Variants in FAM193A observed in about 807,000 individuals in gnomAD.
FAM193A encodes family with sequence similarity 193 member A.
A neutral mutation model predicts 126.5 loss-of-function variants in FAM193A; 22 were observed. The ratio of observed to expected loss-of-function variants is 0.17; its 90% CI spans 0.12 to 0.25. FAM193A has a LOEUF of 0.25. Ranked by LOEUF, FAM193A falls within the 10% of genes least tolerant of loss-of-function variation. FAM193A has a pLI of 1.00. For synonymous variants in FAM193A, 761 were observed against 646.8 expected, an observed-to-expected ratio of 1.18 and a Z score of -2.68; for missense variants, 1,675 against 1,672.8, an observed-to-expected ratio of 1.00 and a Z score of -0.02.
At chr4:2,692,790 C>G (rs1017655096) in intron 15 of FAM193A, among the ~76,000 whole-genome samples, 1 of 143,754 alleles carries the variant, frequency 7.0e-6, no homozygotes, top group Non-Finnish European at 1.5e-5. Flanking sequence ...TGAGAGTATC[C>G]TGTCAGTGTT....
intron 12 of FAM193A, among the ~76,000 whole-genome samples, chr4:2,669,379 C>T (rs73207352): frequency 0.33 from 49,377 of 151,756 alleles, 9,506 homozygotes; most frequent in Admixed American, 0.52. Context: ...GAGGCAGAGG[C>T]GGGCAGATCA....
chr4:2,588,989 A>G (rs1162558979), intron 1 of FAM193A, among the ~76,000 whole-genome samples: 1 of 152,204 alleles, frequency 6.6e-6, no homozygotes, highest in Non-Finnish European at 1.5e-5. Flanking sequence ...TGGAGCCTGA[A>G]TGTAGAGACT....
chr4:2,582,088 GTT>G (rs921459197), intron 1 of FAM193A, among the ~76,000 whole-genome samples: 2 of 152,070 alleles, frequency 1.3e-5, no homozygotes, highest in African/African-American at 4.8e-5. Context: ...TGCTGTAATT[GTT>G]TTTGTTCTTC....
At chr4:2,641,951 A>G (rs974748730) in intron 6 of FAM193A, among the ~76,000 whole-genome samples, 10 of 150,564 alleles carry the variant, frequency 6.6e-5, no homozygotes, top group African/African-American at 2.4e-4. Flanking sequence ...AAAGAAAAAA[A>G]AAGGGCCAGG....
intron 1 of FAM193A, among the ~76,000 whole-genome samples, chr4:2,579,979 G>A (rs539907324): frequency 2.6e-5 from 4 of 152,236 alleles, no homozygotes; most frequent in Admixed American, 1.3e-4. Context: ...ACATGCATGC[G>A]TGTGTTCATT....
At chr4:2,707,480 A>G (rs1035600788) in intron 19 of FAM193A, among the ~76,000 whole-genome samples, 1 of 152,166 alleles carries the variant, frequency 6.6e-6, no homozygotes, top group South Asian at 2.1e-4. Flanking sequence ...GAGAAGTGTT[A>G]TAAGTGTAAA....
At position 2,657,870 on chromosome 4, in the gene FAM193A, T is replaced by A. The variant is rs778237635; in HGVS notation, c.1379T>A (p.Ile460Asn). The A allele has an allele frequency of 1.2e-6, 2 of 1,609,476 alleles. No individual in the cohort carries two copies. The highest frequency in any genetic ancestry group is 1.7e-6 in the Non-Finnish European group (2 of 1,176,908). ...DWELFKQRRF[I>N]EEQLTNKKAV... ...GAGCTTTTTAAACAAAGAAGATTCA[T>A]TGAAGAACAGGTAAGCTTGTCAATA... is the stretch of plus-strand genomic sequence containing the variant. Residue 460 changes from isoleucine to asparagine, a missense_variant, in exon 8 of 21, where the codon ATT becomes AAT. This residue lies in a region of FAM193A where 1,186 missense variants were observed against 1,109.2 expected (regional missense o/e 1.07). Transcript: ENST00000637812.
chr4:2,627,595 T>TTTTTTC (rs1743103663), intron 4 of FAM193A, among the ~76,000 whole-genome samples: 1 of 131,838 alleles, frequency 7.6e-6, no homozygotes, highest in African/African-American at 2.8e-5. Flanking sequence ...TTTTTTTTTT[T>TTTTTTC]CAGATGGAGT....
chr4:2,634,844 G>A (rs1268389022), intron 5 of FAM193A, among the ~76,000 whole-genome samples: 2 of 152,166 alleles, frequency 1.3e-5, no homozygotes, highest in Non-Finnish European at 2.9e-5. Flanking sequence ...TGGTCTGTGA[G>A]ATGTTATAAT....
At chr4:2,626,331 G>A in intron 3 of FAM193A, 79 bp from the exon 4 acceptor site, 1 of 655,636 alleles carries the variant, frequency 1.5e-6, no homozygotes, top group Non-Finnish European at 2.8e-6. Flanking sequence ...AGCCTGGGAG[G>A]TCCTCTGAGG....
chr4:2,725,539 C>A (rs1461740370), intron 20 of FAM193A, among the ~76,000 whole-genome samples: 1 of 150,720 alleles, frequency 6.6e-6, no homozygotes, highest in Non-Finnish European at 1.5e-5. Flanking sequence ...TCCCCCACCT[C>A]AAGCTGAGTA....
chr4:2,610,128 AG>A (rs1741775336), intron 2 of FAM193A, among the ~76,000 whole-genome samples: 1 of 152,050 alleles, frequency 6.6e-6, no homozygotes, highest in Non-Finnish European at 1.5e-5. Context: ...GCTACTCAGG[AG>A]GCTGAGGCAG....
intron 1 of FAM193A, among the ~76,000 whole-genome samples, chr4:2,554,948 C>G (rs1738166124): frequency 6.6e-6 from 1 of 151,634 alleles, no homozygotes; most frequent in African/African-American, 2.4e-5. Context: ...TTGCTTTAAA[C>G]CTATCTATAT....
At chr4:2,605,158 G>A (rs74992793) in intron 2 of FAM193A, among the ~76,000 whole-genome samples, 1 of 151,840 alleles carries the variant, frequency 6.6e-6, no homozygotes, top group Non-Finnish European at 1.5e-5. Flanking sequence ...TTACTGTAAT[G>A]GTTAATATAT....
chr4:2,652,520 G>A (rs1477640672), intron 7 of FAM193A, among the ~76,000 whole-genome samples: 1 of 152,192 alleles, frequency 6.6e-6, no homozygotes, highest in Admixed American at 6.5e-5. Flanking sequence ...ATGGTGGAAG[G>A]TGAAGGGGAA....
chr4:2,670,789 G>T (rs984779114), intron 12 of FAM193A, among the ~76,000 whole-genome samples: 1 of 152,064 alleles, frequency 6.6e-6, no homozygotes, highest in Non-Finnish European at 1.5e-5. Context: ...ATCTTTGCTT[G>T]TCTCATAATT....
intron 1 of FAM193A, among the ~76,000 whole-genome samples, chr4:2,574,413 C>T (rs1425926626): frequency 6.6e-6 from 1 of 152,142 alleles, no homozygotes; most frequent in Non-Finnish European, 1.5e-5. Context: ...GCAGATGCCA[C>T]CATACATAAA....
At chr4:2,698,552 T>C (rs551411685) in intron 18 of FAM193A, among the ~76,000 whole-genome samples, 61 of 152,374 alleles carry the variant, frequency 4.0e-4, no homozygotes, top group South Asian at 1.0e-3. Context: ...TTTTTAAGTT[T>C]TTCAAAAGAC....
At chr4:2,586,879 C>T (rs1156676104) in intron 1 of FAM193A, among the ~76,000 whole-genome samples, 1 of 152,148 alleles carries the variant, frequency 6.6e-6, no homozygotes, top group African/African-American at 2.4e-5. Context: ...TCTTGAACTC[C>T]TGGGCTCAAG....
Sources: allele counts gnomAD v4.1 joint callset (sites outside exome capture counted in the v4.1 genomes callset), GRCh38; gene constraint gnomAD v4.1.1; regional missense constraint gnomAD v4.1.1; transcripts MANE v1.5; gene names NCBI Gene and HGNC (gene_info 2026-07-23, HGNC 2026-07-21).